The following GPM6A variants were observed in gnomAD, a reference collection of about 807,000 sequenced individuals.
GPM6A encodes neuronal membrane glycoprotein M6-a.
GPM6A carries 7 observed loss-of-function variants against 32.1 expected under a neutral mutation model. The observed-to-expected ratio is 0.22, with a 90% CI of 0.12 to 0.41. The LOEUF (loss-of-function observed/expected upper bound fraction) is 0.41. GPM6A is among the 10% of genes least tolerant of loss of function. The pLI, the probability that GPM6A is intolerant of heterozygous loss-of-function variation, is 1.00. For synonymous variants in GPM6A, 130 were observed against 123.4 expected (o/e 1.05, Z -0.35); for missense variants, 235 against 347.2 (o/e 0.68, Z 2.57).
chr4:175,751,745 G>GTTT (rs113661841), intron 1 of GPM6A, among the ~76,000 whole-genome samples: 1 of 143,238 alleles, frequency 7.0e-6, no homozygotes, highest in Non-Finnish European at 1.5e-5. Context: ...CGATGCACCT[G>GTTT]TTTTTTTTTT....
intron 1 of GPM6A, among the ~76,000 whole-genome samples, chr4:175,870,473 G>A (rs1736872654): frequency 6.6e-6 from 1 of 152,128 alleles, no homozygotes; most frequent in Non-Finnish European, 1.5e-5. Flanking sequence ...GCCAAATACA[G>A]AGGATACAAC....
At chr4:175,652,719 C>T (rs1741878281) in intron 3 of GPM6A, among the ~76,000 whole-genome samples, 1 of 151,910 alleles carries the variant, frequency 6.6e-6, no homozygotes, top group African/African-American at 2.4e-5. Context: ...TTAGTTTAAG[C>T]ATGGATTTAC....
In GPM6A at chr4:175,950,394, A is replaced by G. The variant is rs189403014; in HGVS notation, c.-23+51915T>C. Among the ~76,000 whole-genome samples, 127 of 152,338 alleles carry G rather than the reference A, an allele frequency of 8.3e-4. No individual in the cohort carries two copies. The Middle Eastern group carries it at 0.02, about 24-fold the overall frequency. ...CTAAGACAAGACATTCCAAGCACAT[A>G]ATATGTTCTATACAACTGGATATAA... On this transcript the variant is annotated intron_variant, in intron 1 of 7. Coordinates refer to the GPM6A transcript ENST00000280187.
At chr4:175,840,378 A>C (rs1212890818) in intron 1 of GPM6A, among the ~76,000 whole-genome samples, 1 of 152,204 alleles carries the variant, frequency 6.6e-6, no homozygotes, top group Non-Finnish European at 1.5e-5. Flanking sequence ...AGAGTAAACG[A>C]GTAATAAAAT....
Position 175,931,709 on chromosome 4 carries a change from C to CACACATATATATATAT in GPM6A, c.-23+70599_-23+70600insATATATATATATGTGT, listed in dbSNP as rs1324269132. On this transcript the variant is annotated intron_variant, in intron 1 of 7. Transcript: ENST00000280187. The stretch of plus-strand genomic sequence containing the variant: ...ACACACACACACACACACACACACA[C>CACACATATATATATAT]ATATATATATATATATATAGCAGAA... 2.1e-4 allele frequency among the ~76,000 whole-genome samples: 27 copies of CACACATATATATATAT among 129,332 alleles called. 1 individual carries two copies. The highest frequency in any genetic ancestry group is 7.4e-4 in the African/African-American group (26 of 34,928). The allele number at this position is 129,332 out of a possible 152,430, so 84.8% of individuals were successfully genotyped here.
chr4:175,866,558 A>G (rs958543351), intron 1 of GPM6A, among the ~76,000 whole-genome samples: 3 of 152,148 alleles, frequency 2.0e-5, no homozygotes, highest in African/African-American at 7.2e-5. Context: ...ATAATTATAT[A>G]CATTTAAGGA....
chr4:175,703,849 C>T (rs1448138548), intron 1 of GPM6A, among the ~76,000 whole-genome samples: 3 of 152,136 alleles, frequency 2.0e-5, no homozygotes, highest in Admixed American at 1.3e-4. Context: ...CCTCTAGCCA[C>T]CCCACCCCTC....
At chr4:175,757,516 C>A (rs1366763058) in intron 1 of GPM6A, among the ~76,000 whole-genome samples, 1 of 152,140 alleles carries the variant, frequency 6.6e-6, no homozygotes, top group Non-Finnish European at 1.5e-5. Context: ...CTAACAAGCA[C>A]AATCATGATC....
chr4:175,933,051 C>G (rs1327956262), intron 1 of GPM6A, among the ~76,000 whole-genome samples: 1 of 151,452 alleles, frequency 6.6e-6, no homozygotes, highest in Non-Finnish European at 1.5e-5. Context: ...ATACTTTGTA[C>G]AAGAAATGTC....
chr4:175,661,131 G>A (rs576359710), intron 3 of GPM6A, among the ~76,000 whole-genome samples: 2 of 152,196 alleles, frequency 1.3e-5, no homozygotes, highest in South Asian at 2.1e-4. Context: ...AAGTCAGATG[G>A]AGAATTTAAA....
intron 1 of GPM6A, among the ~76,000 whole-genome samples, chr4:175,853,722 C>T (rs115811479): frequency 7.9e-4 from 120 of 152,168 alleles, no homozygotes; most frequent in African/African-American, 2.7e-3. Flanking sequence ...TGAGAACTCA[C>T]ATGACTCTGA....
At position 175,914,479 on chromosome 4, in the gene GPM6A, C is replaced by T. The variant is rs551758736; in HGVS notation, c.-23+87830G>A. ...CTGGGACTACCGGCACATGCCACCACGACCAGTTAATTTTTGTATTTTGAG... is the reference window on the plus strand; with the variant it reads ...CTGGGACTACCGGCACATGCCACCATGACCAGTTAATTTTTGTATTTTGAG... On this transcript the variant is annotated intron_variant, in intron 1 of 7. Coordinates refer to the GPM6A transcript ENST00000280187. Among the ~76,000 whole-genome samples, 8 of 152,172 alleles carry T rather than the reference C, an allele frequency of 5.3e-5. No individual in the cohort carries two copies. In the East Asian group the frequency reaches 5.8e-4, roughly 11 times the overall value.
At chr4:175,943,401 A>G (rs994636328) in intron 1 of GPM6A, among the ~76,000 whole-genome samples, 1 of 152,198 alleles carries the variant, frequency 6.6e-6, no homozygotes, top group African/African-American at 2.4e-5. Context: ...CCTGGCCAGA[A>G]CTTCCAATAC....
At chr4:175,829,860 C>A (rs1300332370) in intron 1 of GPM6A, among the ~76,000 whole-genome samples, 1 of 151,576 alleles carries the variant, frequency 6.6e-6, no homozygotes, top group Non-Finnish European at 1.5e-5. Flanking sequence ...ACTAGAAAAC[C>A]TAATGCAAAA....
intron 3 of GPM6A, among the ~76,000 whole-genome samples, chr4:175,671,300 T>A (rs56322600): frequency 3.3e-5 from 5 of 149,882 alleles, no homozygotes; most frequent in South Asian, 2.1e-4. Context: ...TATATACTTG[T>A]TGCAAAAAAA....
chr4:175,856,572 T>G (rs1736423857), intron 1 of GPM6A, among the ~76,000 whole-genome samples: 2 of 152,214 alleles, frequency 1.3e-5, no homozygotes, highest in Admixed American at 6.5e-5. Context: ...TATGATAGCC[T>G]TTTTGGGTTC....
rs187037963 is a variant in GPM6A at position 175,690,789 on chromosome 4, T to C, written c.230+10786A>G. Among the ~76,000 whole-genome samples, 388 of 152,314 alleles carry C rather than the reference T, an allele frequency of 2.5e-3. 5 individuals carry two copies. Among genetic ancestry groups the C allele is most frequent in the African/African-American group, 9.0e-3 (373 of 41,560 alleles). On this transcript the variant is annotated intron_variant, in intron 2 of 6. Coordinates refer to ENST00000393658, the MANE Select transcript of GPM6A (RefSeq NM_201591.3). ...TGAATGTAATCACAACTTCAAAGTCTGTTTTGCCATAAAAGGTAACATATG... is the reference window on the plus strand; with the variant it reads ...TGAATGTAATCACAACTTCAAAGTCCGTTTTGCCATAAAAGGTAACATATG...
chr4:175,714,994 GAA>G (rs34494840), intron 1 of GPM6A, among the ~76,000 whole-genome samples: 32 of 105,362 alleles, frequency 3.0e-4, no homozygotes, highest in South Asian at 2.2e-3. Flanking sequence ...ATCCCTGGAA[GAA>G]AAAAAAAAAA....
Position 175,640,184 on chromosome 4 carries a change from G to T in GPM6A, c.629C>A (p.Thr210Asn), listed in dbSNP as rs201095474. The change falls in exon 6 of 7, where the codon ACC (threonine) becomes AAC (asparagine). Residue 210 changes from threonine to asparagine, a missense_variant. Physicochemically the swap from Thr to Asn is moderately conservative, Grantham distance 65. Transcript: ENST00000393658. ...RMCESTELNM[T>N]FHLFIVALAG... ...AAGTGCCACAATAAACAAGTGGAAG[G>T]TCATGTTCAGCTGCAATGGAAACCA... The T allele has an allele frequency of 5.0e-6, 8 of 1,613,452 alleles. No individual in the cohort carries two copies. Among genetic ancestry groups the T allele is most frequent in the East Asian group, 2.2e-5 (1 of 44,862 alleles).
Sources: allele counts gnomAD v4.1 joint callset (sites outside exome capture counted in the v4.1 genomes callset), GRCh38; gene constraint gnomAD v4.1.1; transcripts MANE v1.5; gene names NCBI Gene and HGNC (gene_info 2026-07-23, HGNC 2026-07-21).